The following MTMR9 variants were observed in gnomAD, a reference collection of about 807,000 sequenced individuals.
The protein encoded by MTMR9 is myotubularin related protein 9, also known as myotubularin-related protein 9.
MTMR9 carries 39 observed loss-of-function variants against 69.5 expected under a neutral mutation model. The ratio of observed to expected loss-of-function variants is 0.56; its 90% CI spans 0.43 to 0.73. MTMR9 has a LOEUF of 0.73. Ranked by LOEUF, MTMR9 falls within the 30% of genes least tolerant of loss-of-function variation. MTMR9 has a pLI of 0.00. For synonymous variants in MTMR9, 354 were observed against 240.8 expected (o/e 1.47, Z -4.35); for missense variants, 900 against 671.2 (o/e 1.34, Z -3.77).
chr8:11,298,602 G>T (rs1486056167), intron 2 of MTMR9: 1 of 252,482 alleles, frequency 4.0e-6, no homozygotes, highest in Admixed American at 6.5e-5. Flanking sequence ...CTGACCTGGA[G>T]GGAGATAAGT....
In MTMR9 at chr8:11,314,968, C is replaced by T. The variant is rs113268086; in HGVS notation, c.1017C>T (p.Ser339=). 1.3e-3 allele frequency: 2,130 copies of T among 1,613,858 alleles called. 23 individuals are homozygous for T. In the African/African-American group the frequency reaches 0.024, roughly 18 times the overall value. Residue 339 remains serine (S), a synonymous_variant, in exon 7 of 10, where the codon TCC becomes TCT. Transcript: ENST00000221086. ...TTCACGGAACAGAAGGAACTGATTC[C>T]ACACTCCAGGTGACCTCCTTGGCCC... The part of the protein sequence containing the change: ...ILIHGTEGTD[S]TLQVTSLAQI...
rs1365102783 is a variant in MTMR9 at position 11,322,657 on chromosome 8, T to G, written c.1519T>G (p.Tyr507Asp). The change falls in exon 10 of 10, where the codon TAT becomes GAT. Residue 507 changes from tyrosine (Y) to aspartate (D), a missense_variant. Tyr to Asp is a radical substitution (Grantham distance 160). Transcript: ENST00000221086. The part of the protein sequence containing the change: ...IFLRWNRSSK[Y>D]LDEAYEEMVN... ...CCTACGTTGGAATAGATCCTCTAAGTATTTGGATGAAGCATATGAAGAAAT... is the reference window on the plus strand; with the variant it reads ...CCTACGTTGGAATAGATCCTCTAAGGATTTGGATGAAGCATATGAAGAAAT... 6.2e-7 allele frequency: 1 copy of G among 1,613,788 alleles called. No homozygotes were observed.
At chr8:11,288,048 A>G (rs1270954721) in intron 1 of MTMR9, among the ~76,000 whole-genome samples, 2 of 125,742 alleles carry the variant, frequency 1.6e-5, no homozygotes, top group Admixed American at 9.6e-5. Flanking sequence ...ATTATATAAT[A>G]CGTATTATAT....
downstream of MTMR9, among the ~76,000 whole-genome samples, chr8:11,332,558 G>C (rs185116404): frequency 2.0e-3 from 299 of 151,514 alleles, 1 homozygote; most frequent in African/African-American, 7.0e-3. Context: ...ACTGAGATGA[G>C]AAATTCACTA....
intron 9 of MTMR9, chr8:11,321,188 T>A (rs1226152620): frequency 3.5e-6 from 1 of 287,192 alleles, no homozygotes; most frequent in African/African-American, 2.2e-5. Flanking sequence ...CTAGTTAGCA[T>A]TGTGGGGAAA....
chr8:11,330,491 G>C (rs976283258), downstream of MTMR9, among the ~76,000 whole-genome samples: 15 of 152,346 alleles, frequency 9.8e-5, no homozygotes, highest in East Asian at 5.8e-4. Context: ...GGAAAGGTGG[G>C]GAAAAGATAG....
intron 2 of MTMR9, 31 bp from the exon 3 acceptor site, chr8:11,299,991 CT>C: frequency 6.3e-7 from 1 of 1,598,192 alleles, no homozygotes; most frequent in Non-Finnish European, 8.5e-7. Flanking sequence ...GTGGATGTTT[CT>C]TTTTTGTCTT....
chr8:11,297,132 A>G (rs1302622326), intron 2 of MTMR9, among the ~76,000 whole-genome samples: 1 of 152,214 alleles, frequency 6.6e-6, no homozygotes, highest in African/African-American at 2.4e-5. Flanking sequence ...ATGTGTAACT[A>G]ATCTGGACTT....
At chr8:11,318,723 C>T (rs1800531901) in intron 8 of MTMR9, 2 of 152,114 alleles carry the variant, frequency 1.3e-5, no homozygotes, top group Admixed American at 1.3e-4. Flanking sequence ...GAAGCCTGTT[C>T]ATTGTATGTG....
chr8:11,288,234 TA>T (rs1450125787), intron 1 of MTMR9, among the ~76,000 whole-genome samples: 1 of 126,166 alleles, frequency 7.9e-6, no homozygotes, highest in African/African-American at 3.2e-5. Context: ...TTATAATATA[TA>T]ATAATAATAA....
chr8:11,313,607 G>T (rs780585239), intron 6 of MTMR9, among the ~76,000 whole-genome samples: 13 of 152,204 alleles, frequency 8.5e-5, no homozygotes, highest in Non-Finnish European at 1.6e-4. Context: ...AGGGTTATTA[G>T]TTGGCTGGCC....
chr8:11,330,270 G>A (rs1200695795), downstream of MTMR9, among the ~76,000 whole-genome samples: 1 of 151,444 alleles, frequency 6.6e-6, no homozygotes, highest in Non-Finnish European at 1.5e-5. Context: ...CCACCGGCCA[G>A]CCGCCCTGTC....
Position 11,323,380 on chromosome 8 carries a change from A to T in MTMR9, c.*592A>T, listed in dbSNP as rs1439819170. 1 of 152,234 alleles carries T rather than the reference A, an allele frequency of 6.6e-6. No individual in the cohort carries two copies. Among genetic ancestry groups the T allele is most frequent in the Non-Finnish European group, 1.5e-5 (1 of 68,030 alleles). 9.4% of individuals were successfully genotyped at this position (152,234 alleles called of 1,614,324 possible). A position where few individuals can be genotyped will look rare whatever the true frequency, so the allele number is the denominator to read the frequency against. On this transcript the variant is annotated 3_prime_UTR_variant, in exon 10 of 10. Transcript: ENST00000221086. ...GTTTGTCAAGAAAGGAAAATCTGTT[A>T]TTCAAGGTAAATTATTTCTACAAGG... is the stretch of plus-strand genomic sequence containing the variant.
chr8:11,290,791 C>T (rs753632613), intron 1 of MTMR9, among the ~76,000 whole-genome samples: 3 of 151,274 alleles, frequency 2.0e-5, no homozygotes, highest in Non-Finnish European at 4.4e-5. Flanking sequence ...CTTTTGTCAT[C>T]ATCATATTCT....
At chr8:11,305,928 A>G (rs1330341986) in intron 4 of MTMR9, among the ~76,000 whole-genome samples, 1 of 152,212 alleles carries the variant, frequency 6.6e-6, no homozygotes, top group Admixed American at 6.5e-5. Context: ...ATGAATTGCA[A>G]TATTTGATCT....
chr8:11,304,709 T>C (rs1799876332), intron 3 of MTMR9, 132 bp from the exon 4 acceptor site: 2 of 848,688 alleles, frequency 2.4e-6, no homozygotes, highest in Admixed American at 4.8e-5. Flanking sequence ...AAGCTAGAGA[T>C]CCACCTGTGA....
intron 1 of MTMR9, among the ~76,000 whole-genome samples, chr8:11,289,978 A>C (rs1391864917): frequency 6.6e-6 from 1 of 152,150 alleles, no homozygotes; most frequent in Non-Finnish European, 1.5e-5. Context: ...TTGCTCTGAG[A>C]CTGCCCCTAG....
rs529100198 is a variant in MTMR9, at chr8:11,325,865, C to A, written c.*3077C>A. 2 of 152,032 alleles carry A rather than the reference C, an allele frequency of 1.3e-5. No homozygotes were observed. Among genetic ancestry groups the A allele is most frequent in the African/African-American group, 4.8e-5 (2 of 41,452 alleles). The allele number at this position is 152,032 out of a possible 1,614,324, so 9.4% of individuals were successfully genotyped here. On this transcript the variant is annotated 3_prime_UTR_variant, in exon 10 of 10. Transcript: ENST00000221086. ...TAAATGTATTTTATTTCCAAGAAAA[C>A]TTAGGGTCTCAAAGCAAGATTTTAA...
At chr8:11,303,187 T>G (rs1224400086) in intron 3 of MTMR9, among the ~76,000 whole-genome samples, 1 of 147,910 alleles carries the variant, frequency 6.8e-6, no homozygotes. Context: ...ACACTTGGCC[T>G]ACTAGATACC....
Sources: gnomAD v4.1 joint callset for allele counts (sites outside exome capture counted in the v4.1 genomes callset) on GRCh38, gnomAD v4.1.1 for gene constraint, MANE v1.5 for transcripts, NCBI Gene and HGNC (gene_info 2026-07-23, HGNC 2026-07-21) for gene names.